The following LUZP2 variants were observed in gnomAD, a reference collection of about 807,000 sequenced individuals.
LUZP2 encodes leucine zipper protein 2.
A neutral mutation model predicts 51.6 loss-of-function variants in LUZP2; 52 were observed. The observed-to-expected ratio is 1.01, with a 90% confidence interval of 0.81 to 1.27. LUZP2 has a LOEUF of 1.27. LUZP2 is among the 50% of genes most tolerant of loss of function. The pLI, the probability that LUZP2 is intolerant of heterozygous loss-of-function variation, is 0.00. For missense variants in LUZP2, 436 were observed against 395.4 expected (o/e 1.10, Z -0.87); for synonymous variants, 154 against 137.3 (o/e 1.12, Z -0.85).
chr11:24,912,700 C>T (rs1565097119), intron 6 of LUZP2, among the ~76,000 whole-genome samples: 1 of 152,114 alleles, frequency 6.6e-6, no homozygotes, highest in Non-Finnish European at 1.5e-5. Flanking sequence ...GTCCCAGCTA[C>T]TCAGGAGGCT....
chr11:24,868,113 C>T (rs192757871), intron 5 of LUZP2, among the ~76,000 whole-genome samples: 1 of 152,092 alleles, frequency 6.6e-6, no homozygotes, highest in South Asian at 2.1e-4. Context: ...TGAAGAAAAC[C>T]GGCATTTTTC....
chr11:24,784,246 C>T (rs540096794), intron 5 of LUZP2, among the ~76,000 whole-genome samples: 1 of 151,702 alleles, frequency 6.6e-6, no homozygotes, highest in African/African-American at 2.4e-5. Flanking sequence ...ACTTTGTTTT[C>T]TTTATATATA....
At chr11:24,766,704 C>A (rs1410252361) in intron 5 of LUZP2, among the ~76,000 whole-genome samples, 1 of 98,620 alleles carries the variant, frequency 1.0e-5, no homozygotes, top group Non-Finnish European at 2.3e-5. Context: ...TATAAAGCTT[C>A]AAAGAATCAA....
chr11:24,687,959 C>T lies in LUZP2; in HGVS notation c.63-41210C>T, dbSNP rs527891643. On this transcript the variant is annotated intron_variant, in intron 1 of 11. Coordinates refer to ENST00000336930, the MANE Select transcript of LUZP2 (RefSeq NM_001009909.4). Reference sequence around the variant, plus strand: ...TAGTTTCCTGCCTGGAGACAAGTTTCGGCTTGGAGCCTGGCTTCACTAAGT... The same window carrying T: ...TAGTTTCCTGCCTGGAGACAAGTTTTGGCTTGGAGCCTGGCTTCACTAAGT... Among the ~76,000 whole-genome samples the T allele has an allele frequency of 2.2e-4, 34 of 152,170 alleles. No homozygotes were observed. The South Asian group carries it at 5.8e-3, about 26-fold the overall frequency.
At chr11:24,901,633 T>C (rs1407849863) in intron 5 of LUZP2, among the ~76,000 whole-genome samples, 1 of 152,138 alleles carries the variant, frequency 6.6e-6, no homozygotes, top group East Asian at 1.9e-4. Context: ...TAGACTTGCC[T>C]AGTCCAGTTG....
intron 5 of LUZP2, among the ~76,000 whole-genome samples, chr11:24,799,509 C>A (rs183762755): frequency 6.6e-6 from 1 of 151,222 alleles, no homozygotes; most frequent in South Asian, 2.1e-4. Flanking sequence ...GCAGGAGAAT[C>A]GAACTTGGGA....
At chr11:24,566,512 G>A (rs1403540919) in intron 1 of LUZP2, among the ~76,000 whole-genome samples, 2 of 147,050 alleles carry the variant, frequency 1.4e-5, no homozygotes, top group African/African-American at 5.0e-5. Context: ...TTGTGTGTGT[G>A]TGTATGTGTG....
chr11:24,529,191 G>T (rs1159324311), intron 1 of LUZP2, among the ~76,000 whole-genome samples: 1 of 150,934 alleles, frequency 6.6e-6, no homozygotes. Context: ...CATAAGACAG[G>T]ATCTATGTCT....
chr11:24,743,603 G>T (rs1859268261), intron 4 of LUZP2, among the ~76,000 whole-genome samples: 1 of 151,946 alleles, frequency 6.6e-6, no homozygotes, highest in African/African-American at 2.4e-5. Flanking sequence ...AGTCTTTAGG[G>T]TTTTCAAGGT....
At chr11:24,755,269 A>T (rs144368261) in intron 4 of LUZP2, among the ~76,000 whole-genome samples, 50 of 152,302 alleles carry the variant, frequency 3.3e-4, no homozygotes, top group African/African-American at 1.1e-3. Context: ...ATTTCTTCGC[A>T]CTTCGCATTC....
chr11:24,726,672 C>T (rs1049280671), intron 1 of LUZP2, among the ~76,000 whole-genome samples: 22 of 151,888 alleles, frequency 1.4e-4, no homozygotes, highest in African/African-American at 5.1e-4. Context: ...AAATTGGAAA[C>T]ACCGTAAATT....
At chr11:24,578,959 G>C (rs1199481223) in intron 1 of LUZP2, among the ~76,000 whole-genome samples, 1 of 152,018 alleles carries the variant, frequency 6.6e-6, no homozygotes, top group Non-Finnish European at 1.5e-5. Context: ...AAAGAAACTT[G>C]ATTTGTCTGA....
At chr11:24,515,420 A>G (rs536411107) in intron 1 of LUZP2, among the ~76,000 whole-genome samples, 60 of 152,302 alleles carry the variant, frequency 3.9e-4, no homozygotes, top group African/African-American at 1.4e-3. Context: ...ATATAAATTA[A>G]TTCAATTAAT....
intron 1 of LUZP2, among the ~76,000 whole-genome samples, chr11:24,574,282 TTCTTTCC>T: frequency 3.4e-5 from 3 of 88,746 alleles, no homozygotes; most frequent in South Asian, 5.2e-4. Context: ...CTTTCTTTCT[TTCTTTCC>T]TTTCTTTCTT....
intron 7 of LUZP2, among the ~76,000 whole-genome samples, chr11:24,939,408 G>T (rs1242124517): frequency 1.3e-5 from 2 of 152,020 alleles, no homozygotes; most frequent in Admixed American, 6.6e-5. Flanking sequence ...ACCACTCTCG[G>T]GGGAAGGGAT....
intron 1 of LUZP2, among the ~76,000 whole-genome samples, chr11:24,655,987 C>T (rs531171338): frequency 2.0e-5 from 3 of 152,260 alleles, no homozygotes; most frequent in African/African-American, 7.2e-5. Context: ...AAAGCATTTG[C>T]CTACTGTTAC....
intron 1 of LUZP2, among the ~76,000 whole-genome samples, chr11:24,595,051 T>C (rs1853394554): frequency 6.6e-6 from 1 of 152,044 alleles, no homozygotes; most frequent in Non-Finnish European, 1.5e-5. Flanking sequence ...TAAGCCACCA[T>C]GCCCATTGAC....
At chr11:24,825,629 G>A (rs1220914293) in intron 5 of LUZP2, among the ~76,000 whole-genome samples, 7 of 152,114 alleles carry the variant, frequency 4.6e-5, no homozygotes. Flanking sequence ...AAAAAATAAG[G>A]AGAATATTTA....
At position 25,081,624 on chromosome 11, in the gene LUZP2, G is replaced by C. The variant is rs1859461782; in HGVS notation, c.*2966G>C. 1 of 152,084 alleles carries C rather than the reference G, an allele frequency of 6.6e-6. No homozygotes were observed. The highest frequency in any genetic ancestry group is 1.5e-5 in the Non-Finnish European group (1 of 68,032). 9.4% of individuals were successfully genotyped at this position (152,084 alleles called of 1,614,324 possible). On this transcript the variant is annotated 3_prime_UTR_variant, in exon 12 of 12. Transcript: ENST00000336930. Reference sequence around the variant, plus strand: ...CTTACATTTGTGAATGTGTCTATGAGAGAGGGGCCATTTCTCACATATTTT... The same window carrying C: ...CTTACATTTGTGAATGTGTCTATGACAGAGGGGCCATTTCTCACATATTTT...
Sources: gnomAD v4.1 joint callset for allele counts (sites outside exome capture counted in the v4.1 genomes callset) on GRCh38, gnomAD v4.1.1 for gene constraint, MANE v1.5 for transcripts, NCBI Gene and HGNC (gene_info 2026-07-23, HGNC 2026-07-21) for gene names.